Variants in TEX101 observed in about 807,000 individuals in gnomAD.
TEX101 encodes the protein testis expressed 101.
TEX101 carries 10 observed loss-of-function variants against 18.1 expected under a neutral mutation model. That is an observed-to-expected ratio of 0.55 (90% CI 0.34 to 0.94). The LOEUF is 0.94. TEX101 is among the 40% of genes least tolerant of loss of function. TEX101 has a pLI of 0.02. For missense variants in TEX101, 259 were observed against 298.9 expected, an observed-to-expected ratio of 0.87 and a Z score of 0.98; for synonymous variants, 94 against 114.8, an observed-to-expected ratio of 0.82 and a Z score of 1.16.
chr19:43,391,776 A>G, the TEX101 span, among the ~76,000 whole-genome samples: 2 of 152,166 alleles, frequency 1.3e-5, no homozygotes, highest in Non-Finnish European at 1.5e-5. Flanking sequence ...GCCATCGCCA[A>G]CACTGCCGTG....
chr19:43,415,839 C>G, intron 1 of TEX101, 42 bp from the exon 2 acceptor site: 2 of 1,576,264 alleles, frequency 1.3e-6, no homozygotes, highest in Non-Finnish European at 1.7e-6. Context: ...CTCATGCACT[C>G]TGGCTGAAAA....
In TEX101 at chr19:43,415,889, C is replaced by T; in HGVS notation, c.-31C>T. The stretch of plus-strand genomic sequence containing the variant: ...CTCCATCAAATTCACAGATCCAGAC[C>T]AGCTCCTCCCAGACCTCTCCAGAAG... On this transcript the variant is annotated 5_prime_UTR_variant, in exon 2 of 6. Coordinates refer to ENST00000598265, the MANE Select transcript of TEX101 (RefSeq NM_001130011.3). The T allele has an allele frequency of 1.2e-6, 2 of 1,613,958 alleles. No individual in the cohort carries two copies. The highest frequency in any genetic ancestry group is 2.2e-5 in the South Asian group (2 of 91,078).
At chr19:43,407,303 G>C (rs944588902) in intron 3 of TEX101, among the ~76,000 whole-genome samples, 1 of 152,120 alleles carries the variant, frequency 6.6e-6, no homozygotes, top group Non-Finnish European at 1.5e-5. Flanking sequence ...GGCCAACATG[G>C]TGAAACCCCC....
upstream of TEX101, among the ~76,000 whole-genome samples, chr19:43,413,039 ACCCC>A (rs1213686643): frequency 2.0e-5 from 3 of 151,896 alleles, no homozygotes; most frequent in Non-Finnish European, 4.4e-5. Flanking sequence ...AATAACAGCA[ACCCC>A]TGACCTAAAC....
chr19:43,410,959 C>T (rs1192072263), upstream of TEX101, among the ~76,000 whole-genome samples: 2 of 152,206 alleles, frequency 1.3e-5, no homozygotes, highest in Non-Finnish European at 2.9e-5. Flanking sequence ...CAACTGCAAC[C>T]TCCACCTCCT....
the TEX101 span, among the ~76,000 whole-genome samples, chr19:43,388,759 T>C: frequency 6.6e-6 from 1 of 152,244 alleles, no homozygotes; most frequent in Non-Finnish European, 1.5e-5. Flanking sequence ...TTGTCATCTC[T>C]TAGCAGATTG....
intron 4 of TEX101, 91 bp downstream of exon 4, chr19:43,416,646 TA>T: frequency 7.4e-7 from 1 of 1,344,616 alleles, no homozygotes; most frequent in East Asian, 2.3e-5. Context: ...TGGCTTAGCC[TA>T]AGTGGTCCAT....
upstream of TEX101, among the ~76,000 whole-genome samples, chr19:43,411,021 C>A (rs1970414825): frequency 6.6e-6 from 1 of 152,120 alleles, no homozygotes. Flanking sequence ...GGATTACAGG[C>A]ATGAGCCATG....
intron 1 of TEX101, 70 bp from the exon 2 acceptor site, chr19:43,415,811 C>A: frequency 7.1e-7 from 1 of 1,401,586 alleles, no homozygotes; most frequent in Non-Finnish European, 1.0e-6. Context: ...TCAGTACTTG[C>A]CAGGACCTAG....
upstream of TEX101, among the ~76,000 whole-genome samples, chr19:43,413,695 G>A (rs547412090): frequency 1.3e-5 from 2 of 152,266 alleles, no homozygotes; most frequent in East Asian, 3.9e-4. Flanking sequence ...GCTCACGTCT[G>A]TAATCCCAGT....
chr19:43,415,792 A>T, intron 1 of TEX101, 89 bp from the exon 2 acceptor site: 1 of 1,148,124 alleles, frequency 8.7e-7, no homozygotes, highest in Non-Finnish European at 1.3e-6. Flanking sequence ...AAAACACCCC[A>T]CCCTGAAGTC....
In TEX101 at chr19:43,416,392, G is replaced by A; in HGVS notation, c.228G>A (p.Leu76=). 2 of 1,613,746 alleles carry A rather than the reference G, an allele frequency of 1.2e-6. No individual in the cohort carries two copies. Among genetic ancestry groups the A allele is most frequent in the Non-Finnish European group, 1.7e-6 (2 of 1,179,800 alleles). ...IIKAGTETAI[L]ATKGCIPEGE... is the part of the protein sequence containing the mutation. Reference sequence around the variant, plus strand: ...TAACAGGGACTGAGACAGCCATTTTGGCCACGAAGGGCTGCATCCCGGAAG... The same window carrying A: ...TAACAGGGACTGAGACAGCCATTTTAGCCACGAAGGGCTGCATCCCGGAAG... Residue 76 remains leucine, a synonymous_variant, in exon 4 of 6, where the codon TTG becomes TTA. Transcript: ENST00000598265.
chr19:43,402,631 A>T, intron 1 of TEX101: 1 of 151,054 alleles, frequency 6.6e-6, no homozygotes. Context: ...CCCAGGCTGG[A>T]CTACAGTGGC....
the TEX101 span, among the ~76,000 whole-genome samples, chr19:43,395,744 C>T: frequency 6.6e-6 from 1 of 152,246 alleles, no homozygotes; most frequent in African/African-American, 2.4e-5. Context: ...GGGAGCAGGA[C>T]ACACCTGCCC....
Position 43,416,250 on chromosome 19 carries a change from G to A in TEX101, c.208+8G>A, listed in dbSNP as rs1970475785. ...TACTAATAATTAAAGCAGGTGAAAT[G>A]AGATGGGGCATTTGGGCTGGGTAGG... On this transcript the variant is annotated splice_region_variant and intron_variant, in intron 3 of 5. Transcript: ENST00000598265. 6.2e-7 allele frequency: 1 copy of A among 1,603,032 alleles called. No individual in the cohort carries two copies. Among genetic ancestry groups the A allele is most frequent in the Non-Finnish European group, 8.5e-7 (1 of 1,174,930 alleles).
At chr19:43,403,895 C>G (rs139366540) in intron 2 of TEX101, among the ~76,000 whole-genome samples, 1 of 151,748 alleles carries the variant, frequency 6.6e-6, no homozygotes, top group East Asian at 1.9e-4. Flanking sequence ...AAAAATTAGC[C>G]GGGCATGGTG....
upstream of TEX101, among the ~76,000 whole-genome samples, chr19:43,397,175 T>G (rs1970274815): frequency 6.6e-6 from 1 of 152,164 alleles, no homozygotes; most frequent in Non-Finnish European, 1.5e-5. Context: ...TGATTGTGAC[T>G]TGGTGAGTCT....
upstream of TEX101, among the ~76,000 whole-genome samples, chr19:43,412,703 T>C (rs2122339081): frequency 6.6e-6 from 1 of 152,280 alleles, no homozygotes; most frequent in South Asian, 2.1e-4. Flanking sequence ...CATGTGATCA[T>C]TCAAAGATAA....
intron 2 of TEX101, among the ~76,000 whole-genome samples, chr19:43,405,544 T>C (rs747125275): frequency 1.2e-5 from 1 of 83,108 alleles, no homozygotes; most frequent in Non-Finnish European, 2.3e-5. Flanking sequence ...AACAAAACTC[T>C]GTCTCAAAAA....
Sources: gnomAD v4.1 joint callset for allele counts (sites outside exome capture counted in the v4.1 genomes callset) on GRCh38, gnomAD v4.1.1 for gene constraint, MANE v1.5 for transcripts, NCBI Gene and HGNC (gene_info 2026-07-23, HGNC 2026-07-21) for gene names.